Variants in GUCY1A2 observed in about 807,000 individuals in gnomAD.
The protein encoded by GUCY1A2 is guanylate cyclase soluble subunit alpha-2.
Under a neutral mutation model 63.5 loss-of-function variants are expected in GUCY1A2, and 27 were observed. That is an observed-to-expected ratio of 0.43 (90% CI 0.31 to 0.59). The LOEUF (loss-of-function observed/expected upper bound fraction) is 0.59, where lower values mean the gene tolerates loss of function less well. Among genes scored for constraint, GUCY1A2 ranks in the 20% least tolerant of loss-of-function variants. The probability of loss-of-function intolerance (pLI) is 0.11; values close to 1 mark genes in which losing one functional copy is unlikely to be tolerated. For synonymous variants in GUCY1A2, 364 were observed against 343.5 expected (o/e 1.06, Z -0.66); for missense variants, 768 against 913.3 (o/e 0.84, Z 2.05).
At chr11:106,699,952 C>A (rs2135342738) in intron 7 of GUCY1A2, among the ~76,000 whole-genome samples, 1 of 151,602 alleles carries the variant, frequency 6.6e-6, no homozygotes, top group East Asian at 2.0e-4. Flanking sequence ...TGGCTAATTT[C>A]TTTTGTATTT....
chr11:106,907,471 T>C (rs989327653), intron 4 of GUCY1A2, among the ~76,000 whole-genome samples: 1 of 151,968 alleles, frequency 6.6e-6, no homozygotes. Context: ...TAGTTACATA[T>C]GTATACATGT....
chr11:106,692,132 CTCTAAAGCTCTGCCTAACAA>C (rs887265457), intron 7 of GUCY1A2, among the ~76,000 whole-genome samples: 1 of 152,138 alleles, frequency 6.6e-6, no homozygotes, highest in Admixed American at 6.6e-5. Flanking sequence ...CCTGGGTTGG[CTCTAAAGCTCTGCCTAACAA>C]TCCATTTCTT....
intron 5 of GUCY1A2, among the ~76,000 whole-genome samples, chr11:106,792,525 C>A (rs557704161): frequency 1.3e-5 from 2 of 152,142 alleles, no homozygotes; most frequent in African/African-American, 4.8e-5. Flanking sequence ...ACATGATTAT[C>A]TCAAGAGATG....
At chr11:106,736,031 A>AATCCC (rs1285146271) in intron 6 of GUCY1A2, among the ~76,000 whole-genome samples, 1 of 152,002 alleles carries the variant, frequency 6.6e-6, no homozygotes, top group African/African-American at 2.4e-5. Flanking sequence ...TCTGGTTTTT[A>AATCCC]ATCCCTTGTC....
Position 106,686,676 on chromosome 11 carries a change from C to T in GUCY1A2, c.*873G>A, listed in dbSNP as rs1862531576. On this transcript the variant is annotated 3_prime_UTR_variant, in exon 8 of 8. Transcript: ENST00000526355. Reference sequence around the variant, plus strand: ...TTGAAAAGGATCCAGTGTAGCAAAGCATTTCATTTTAACTGATATTTGTTA... The same window carrying T: ...TTGAAAAGGATCCAGTGTAGCAAAGTATTTCATTTTAACTGATATTTGTTA... 4.7e-6 allele frequency: 1 copy of T among 213,048 alleles called. No individual in the cohort carries two copies. The highest frequency in any genetic ancestry group is 2.3e-5 in the African/African-American group (1 of 44,178). 13.2% of individuals were successfully genotyped at this position (213,048 alleles called of 1,614,324 possible). A position where few individuals can be genotyped will look rare whatever the true frequency, so the allele number is the denominator to read the frequency against.
At chr11:106,762,518 C>T (rs1016025194) in intron 6 of GUCY1A2, among the ~76,000 whole-genome samples, 1 of 151,950 alleles carries the variant, frequency 6.6e-6, no homozygotes, top group Non-Finnish European at 1.5e-5. Context: ...TGCACCCCAA[C>T]AAAGGAGTAC....
In GUCY1A2 at chr11:106,978,030, A is replaced by G. The variant is rs377713461; in HGVS notation, c.487+589T>C. Among the ~76,000 whole-genome samples the G allele has an allele frequency of 3.9e-5, 6 of 152,298 alleles. No homozygotes were observed. The South Asian group carries it at 1.0e-3, about 26-fold the overall frequency. On this transcript the variant is annotated intron_variant, in intron 3 of 7. Transcript: ENST00000526355. ...CTCAGTTATGGTAGCTTACGGCTGTATAATTGGCTGCAATTTACAACAGTA... is the reference window on the plus strand; with the variant it reads ...CTCAGTTATGGTAGCTTACGGCTGTGTAATTGGCTGCAATTTACAACAGTA...
chr11:106,838,235 G>A (rs889344236), intron 4 of GUCY1A2, among the ~76,000 whole-genome samples: 2 of 151,834 alleles, frequency 1.3e-5, no homozygotes, highest in African/African-American at 2.4e-5. Context: ...GTATGTCTCC[G>A]TGCCTTACCC....
At chr11:106,782,819 A>G (rs1456279234) in intron 5 of GUCY1A2, among the ~76,000 whole-genome samples, 1 of 152,218 alleles carries the variant, frequency 6.6e-6, no homozygotes. Flanking sequence ...TAGTAACAGA[A>G]GAGCAGGAAA....
intron 1 of GUCY1A2, among the ~76,000 whole-genome samples, chr11:107,001,177 A>C (rs1565356111): frequency 6.6e-6 from 1 of 152,312 alleles, no homozygotes; most frequent in East Asian, 1.9e-4. Flanking sequence ...AAATGTTTGA[A>C]ACAGAATCAC....
intron 4 of GUCY1A2, among the ~76,000 whole-genome samples, chr11:106,937,394 G>C (rs574746148): frequency 6.6e-6 from 1 of 151,990 alleles, no homozygotes; most frequent in South Asian, 2.1e-4. Context: ...GAAATATAAG[G>C]GGAAAAAACC....
chr11:106,927,166 G>A (rs78418582), intron 4 of GUCY1A2, among the ~76,000 whole-genome samples: 4,844 of 151,830 alleles, frequency 0.032, 254 homozygotes, highest in African/African-American at 0.11. Flanking sequence ...ACAGTTAGGA[G>A]ATCGAGACCA....
rs189085397 is a variant in GUCY1A2, at chr11:106,826,833, A to G, written c.1207-16355T>C. The G allele has an allele frequency of 4.8e-3, 7,660 of 1,608,336 alleles. 28 individuals are homozygous for G. Among genetic ancestry groups the G allele is most frequent in the Non-Finnish European group, 6.0e-3 (7,048 of 1,176,200 alleles). On this transcript the variant is annotated intron_variant, in intron 4 of 7. Coordinates refer to ENST00000526355, the MANE Select transcript of GUCY1A2 (RefSeq NM_000855.3). ...ATGTAGTACAGATGTCACCGGCAGC[A>G]TAGATATCAGGAAGGGATGTGTGCA...
chr11:106,898,155 CACCTATG>C (rs1860077789), intron 4 of GUCY1A2, among the ~76,000 whole-genome samples: 1 of 152,144 alleles, frequency 6.6e-6, no homozygotes, highest in Non-Finnish European at 1.5e-5. Flanking sequence ...TACCACTACA[CACCTATG>C]AGAATGGCCA....
At chr11:106,943,631 A>C (rs1860781815) in intron 3 of GUCY1A2, among the ~76,000 whole-genome samples, 1 of 152,198 alleles carries the variant, frequency 6.6e-6, no homozygotes, top group Non-Finnish European at 1.5e-5. Context: ...CACTGGCATA[A>C]TGCCTGACAC....
intron 4 of GUCY1A2, among the ~76,000 whole-genome samples, chr11:106,904,420 T>C (rs1404453241): frequency 1.3e-5 from 2 of 152,170 alleles, no homozygotes; most frequent in Admixed American, 6.6e-5. Flanking sequence ...TAACCACTGA[T>C]TACTGTGTTA....
At chr11:106,975,308 A>G (rs1277366915) in intron 3 of GUCY1A2, among the ~76,000 whole-genome samples, 1 of 152,150 alleles carries the variant, frequency 6.6e-6, no homozygotes, top group African/African-American at 2.4e-5. Context: ...CCATTCAACC[A>G]TTACAATTTC....
At chr11:106,743,067 C>T (rs1863724297) in intron 6 of GUCY1A2, among the ~76,000 whole-genome samples, 1 of 152,090 alleles carries the variant, frequency 6.6e-6, no homozygotes, top group Admixed American at 6.6e-5. Context: ...TCTTTTATTC[C>T]TTCATGTACT....
chr11:106,904,674 A>G (rs1420086845), intron 4 of GUCY1A2, among the ~76,000 whole-genome samples: 1 of 152,100 alleles, frequency 6.6e-6, no homozygotes, highest in East Asian at 1.9e-4. Flanking sequence ...AATAAAAGAC[A>G]AAAATTCTTC....
Sources: gnomAD v4.1 joint callset for allele counts (sites outside exome capture counted in the v4.1 genomes callset) on GRCh38, gnomAD v4.1.1 for gene constraint, MANE v1.5 for transcripts, NCBI Gene and HGNC (gene_info 2026-07-23, HGNC 2026-07-21) for gene names.